The following AP1S3 variants were observed in gnomAD, a reference collection of about 807,000 sequenced individuals.
AP1S3 encodes AP-1 complex subunit sigma-3.
AP1S3 carries 10 observed loss-of-function variants against 20.9 expected under a neutral mutation model. The ratio of observed to expected loss-of-function variants is 0.48; its 90% CI spans 0.29 to 0.81. AP1S3 has a LOEUF of 0.81. AP1S3 is among the 30% of genes least tolerant of loss of function. The pLI is 0.08. For missense variants in AP1S3, 154 were observed against 183.8 expected, an observed-to-expected ratio of 0.84 and a Z score of 0.94; for synonymous variants, 41 against 61.5, an observed-to-expected ratio of 0.67 and a Z score of 1.56.
Position 223,756,634 on chromosome 2 carries a change from G to A in AP1S3, c.*2081C>T. The A allele has an allele frequency of 1.0e-6, 1 of 985,266 alleles. No individual in the cohort carries two copies. The highest frequency in any genetic ancestry group is 1.2e-6 in the Non-Finnish European group (1 of 829,794). The allele number at this position is 985,266 out of a possible 1,614,324, so 61.0% of individuals were successfully genotyped here. A position where few individuals can be genotyped will look rare whatever the true frequency, so the allele number is the denominator to read the frequency against. The stretch of plus-strand genomic sequence containing the variant: ...TGGTAACCTGAAGAAATATTGGATA[G>A]TAAAAGCCTAATGATTATTTTATAT... On this transcript the variant is annotated 3_prime_UTR_variant, in exon 5 of 5. Transcript: ENST00000396654.
intron 4 of AP1S3, among the ~76,000 whole-genome samples, chr2:223,760,226 C>T (rs1337030335): frequency 1.3e-5 from 2 of 152,102 alleles, no homozygotes; most frequent in Admixed American, 6.5e-5. Flanking sequence ...CTGCCTCTTT[C>T]GTTTGAGTCA....
chr2:223,768,603 C>T (rs1385474221), intron 3 of AP1S3, among the ~76,000 whole-genome samples: 1 of 152,088 alleles, frequency 6.6e-6, no homozygotes, highest in African/African-American at 2.4e-5. Flanking sequence ...GTCTGTAATC[C>T]CAGCACTTTG....
chr2:223,801,919 T>C (rs1199218662), intron 1 of AP1S3, among the ~76,000 whole-genome samples: 1 of 152,242 alleles, frequency 6.6e-6, no homozygotes, highest in African/African-American at 2.4e-5. Context: ...GTGTCACTAG[T>C]ATTACATTTA....
chr2:223,828,077 A>G (rs982662833), intron 1 of AP1S3, among the ~76,000 whole-genome samples: 1 of 38,994 alleles, frequency 2.6e-5, no homozygotes, highest in Non-Finnish European at 5.5e-5. Context: ...AAAAAAAAAA[A>G]AAAAAAAAAA....
chr2:223,790,392 T>A (rs1013266458), intron 1 of AP1S3, among the ~76,000 whole-genome samples: 1 of 152,056 alleles, frequency 6.6e-6, no homozygotes, highest in Non-Finnish European at 1.5e-5. Context: ...TCACCATGCC[T>A]GGCTAATTTT....
At chr2:223,779,080 T>C (rs1244391846) in intron 1 of AP1S3, among the ~76,000 whole-genome samples, 1 of 152,214 alleles carries the variant, frequency 6.6e-6, no homozygotes, top group East Asian at 1.9e-4. Context: ...ACAATTGTCT[T>C]TGGCATCACC....
chr2:223,811,555 T>A (rs1284053816), intron 1 of AP1S3, among the ~76,000 whole-genome samples: 5 of 144,304 alleles, frequency 3.5e-5, no homozygotes, highest in Non-Finnish European at 7.6e-5. Flanking sequence ...GGTGACACAG[T>A]GAGACTCCAT....
chr2:223,833,876 C>T (rs960693560), intron 1 of AP1S3, among the ~76,000 whole-genome samples: 1 of 143,540 alleles, frequency 7.0e-6, no homozygotes, highest in Non-Finnish European at 1.5e-5. Flanking sequence ...GATGCCTTTA[C>T]ACTCTTTTTA....
intron 1 of AP1S3, among the ~76,000 whole-genome samples, chr2:223,816,154 C>T (rs1206806699): frequency 6.6e-6 from 1 of 152,110 alleles, no homozygotes. Context: ...GGGCATACAG[C>T]GTGTCATTTT....
intron 3 of AP1S3, among the ~76,000 whole-genome samples, chr2:223,772,744 T>C (rs1313043270): frequency 6.6e-6 from 1 of 152,132 alleles, no homozygotes; most frequent in Non-Finnish European, 1.5e-5. Context: ...TAAGAGAAGC[T>C]CAGTACCAAG....
chr2:223,766,239 G>T (rs1690475691), intron 3 of AP1S3, among the ~76,000 whole-genome samples: 1 of 152,136 alleles, frequency 6.6e-6, no homozygotes. Flanking sequence ...CTTTTGAGAA[G>T]CGTCTGTTCA....
intron 3 of AP1S3, among the ~76,000 whole-genome samples, chr2:223,766,402 T>C (rs1219799755): frequency 6.6e-6 from 1 of 152,254 alleles, no homozygotes; most frequent in Non-Finnish European, 1.5e-5. Context: ...GATGATACTT[T>C]CTTTTGCTGT....
chr2:223,759,935 C>A (rs769449534), intron 4 of AP1S3, among the ~76,000 whole-genome samples: 11 of 152,124 alleles, frequency 7.2e-5, no homozygotes, highest in Non-Finnish European at 1.5e-4. Flanking sequence ...CACGTCCCTG[C>A]AAAGGACATG....
intron 1 of AP1S3, among the ~76,000 whole-genome samples, chr2:223,831,335 T>C (rs955936755): frequency 6.6e-6 from 1 of 152,166 alleles, no homozygotes; most frequent in Admixed American, 6.6e-5. Flanking sequence ...GGTTTCGCCA[T>C]GTTGCCTGGG....
intron 1 of AP1S3, among the ~76,000 whole-genome samples, chr2:223,810,297 C>T (rs1379314273): frequency 6.6e-6 from 1 of 151,958 alleles, no homozygotes; most frequent in African/African-American, 2.4e-5. Context: ...CACACCCACC[C>T]CTCTCTCTTT....
At chr2:223,794,585 T>C (rs1010448224) in intron 1 of AP1S3, among the ~76,000 whole-genome samples, 2 of 152,298 alleles carry the variant, frequency 1.3e-5, no homozygotes, top group Admixed American at 6.5e-5. Flanking sequence ...AAGTATCTAA[T>C]AGCATCTGCA....
chr2:223,779,375 C>G (rs1249945188), intron 1 of AP1S3, among the ~76,000 whole-genome samples: 1 of 152,006 alleles, frequency 6.6e-6, no homozygotes, highest in Non-Finnish European at 1.5e-5. Flanking sequence ...GAGACCCCAT[C>G]TCTAAATTTT....
At chr2:223,789,250 C>T (rs376031230) in intron 1 of AP1S3, among the ~76,000 whole-genome samples, 113 of 151,796 alleles carry the variant, frequency 7.4e-4, no homozygotes, top group African/African-American at 2.5e-3. Flanking sequence ...AGATGAAGTT[C>T]CTATGTCAAT....
intron 1 of AP1S3, among the ~76,000 whole-genome samples, chr2:223,810,444 G>A (rs528221802): frequency 6.6e-6 from 1 of 152,162 alleles, no homozygotes; most frequent in African/African-American, 2.4e-5. Context: ...AAGTAGCTGG[G>A]ACTACAGGCA....
Sources: allele counts gnomAD v4.1 joint callset (sites outside exome capture counted in the v4.1 genomes callset), GRCh38; gene constraint gnomAD v4.1.1; transcripts MANE v1.5; gene names NCBI Gene and HGNC (gene_info 2026-07-23, HGNC 2026-07-21).